SNX10: variants seen among roughly 807,000 people sequenced by gnomAD.
SNX10 encodes the protein sorting nexin-10.
A neutral mutation model predicts 28.5 loss-of-function variants in SNX10; 25 were observed. The ratio of observed to expected loss-of-function variants is 0.88; its 90% CI spans 0.64 to 1.22. SNX10 has a LOEUF of 1.22. Among genes scored for constraint, SNX10 ranks in the 50% most tolerant of loss-of-function variants. SNX10 has a pLI of 0.00. For synonymous variants in SNX10, 62 were observed against 81.4 expected (o/e 0.76, Z 1.28); for missense variants, 223 against 242.6 (o/e 0.92, Z 0.54).
chr7:26,336,503 A>G (rs1449120216), intron 1 of SNX10, among the ~76,000 whole-genome samples: 1 of 152,198 alleles, frequency 6.6e-6, no homozygotes, highest in Non-Finnish European at 1.5e-5. Context: ...CAGGAGTTCA[A>G]GACCAGCCTG....
intron 1 of SNX10, among the ~76,000 whole-genome samples, chr7:26,317,659 C>CTTTT (rs11310428): frequency 3.8e-5 from 4 of 106,218 alleles, no homozygotes; most frequent in Admixed American, 9.9e-5. Flanking sequence ...CTTCTTTGAT[C>CTTTT]TTTTTTTTTT....
Position 26,364,237 on chromosome 7 carries a change from T to C in SNX10, c.112-298T>C. Reference sequence around the variant, plus strand: ...ATATGTTAGGATTTATTTTTTATGATTTATTCTTGAAAGCAGTGCTCATAG... The same window carrying C: ...ATATGTTAGGATTTATTTTTTATGACTTATTCTTGAAAGCAGTGCTCATAG... On this transcript the variant is annotated intron_variant, in intron 3 of 6. Coordinates refer to ENST00000338523, the MANE Select transcript of SNX10 (RefSeq NM_013322.3). The surrounding 1 kb of genome is among the most constrained non-coding windows in gnomAD (Gnocchi z 4.9). 1 of 688,776 alleles carries C rather than the reference T, an allele frequency of 1.5e-6. No homozygotes were observed. The highest frequency in any genetic ancestry group is 1.8e-6 in the Non-Finnish European group (1 of 540,572). The allele number at this position is 688,776 out of a possible 1,614,324, so 42.7% of individuals were successfully genotyped here. A position where few individuals can be genotyped will look rare whatever the true frequency, so the allele number is the denominator to read the frequency against.
At chr7:26,362,022 T>A (rs1789093616) in intron 3 of SNX10, among the ~76,000 whole-genome samples, 1 of 152,242 alleles carries the variant, frequency 6.6e-6, no homozygotes, top group African/African-American at 2.4e-5. Context: ...CCATTGTAAA[T>A]AGCTAACTTG....
intron 1 of SNX10, among the ~76,000 whole-genome samples, chr7:26,314,264 A>AT (rs11352827): frequency 6.0e-5 from 9 of 149,866 alleles, no homozygotes; most frequent in Non-Finnish European, 8.9e-5. Context: ...CTACTGTTCA[A>AT]TTTTTTTTTT....
chr7:26,342,082 A>G (rs1788206803), intron 1 of SNX10, among the ~76,000 whole-genome samples: 1 of 137,632 alleles, frequency 7.3e-6, no homozygotes, highest in Non-Finnish European at 1.5e-5. Flanking sequence ...GCTGGAGTGC[A>G]GTGGCACGAT....
chr7:26,307,098 G>C (rs1056527619), intron 1 of SNX10, among the ~76,000 whole-genome samples: 1 of 152,132 alleles, frequency 6.6e-6, no homozygotes, highest in East Asian at 1.9e-4. Flanking sequence ...AAGGAAAGAG[G>C]GTTATTTCCA....
chr7:26,342,801 CT>C (rs1351423071), intron 1 of SNX10, among the ~76,000 whole-genome samples: 2 of 150,044 alleles, frequency 1.3e-5, no homozygotes, highest in Non-Finnish European at 2.9e-5. Context: ...TTCCTATTTT[CT>C]TTTTTATTTT....
At chr7:26,336,075 T>G (rs79826557) in intron 1 of SNX10, among the ~76,000 whole-genome samples, 3,535 of 152,294 alleles carry the variant, frequency 0.023, 80 homozygotes, top group East Asian at 0.098. Context: ...GTGATTTTTT[T>G]TATTTAAATA....
chr7:26,347,052 ACAT>A (rs1344151406), intron 2 of SNX10, among the ~76,000 whole-genome samples: 19 of 152,166 alleles, frequency 1.2e-4, no homozygotes, highest in African/African-American at 3.9e-4. Context: ...GGTGCAGTGC[ACAT>A]CATCACTTGG....
intron 1 of SNX10, among the ~76,000 whole-genome samples, chr7:26,331,387 A>C (rs1482648427): frequency 2.6e-5 from 4 of 152,142 alleles, no homozygotes; most frequent in Non-Finnish European, 5.9e-5. Context: ...GGAGTTCCAG[A>C]CCAGTGTGGG....
chr7:26,305,565 T>C (rs760031578), intron 1 of SNX10, among the ~76,000 whole-genome samples: 1 of 152,170 alleles, frequency 6.6e-6, no homozygotes, highest in East Asian at 1.9e-4. Context: ...AGCAAACAAC[T>C]TGGGGTCTCT....
chr7:26,369,623 G>C (rs1173926869), intron 5 of SNX10, among the ~76,000 whole-genome samples: 1 of 152,074 alleles, frequency 6.6e-6, no homozygotes, highest in Admixed American at 6.5e-5. Context: ...TAGGCCTGGG[G>C]GAGTGTTCAG....
intron 1 of SNX10, among the ~76,000 whole-genome samples, chr7:26,330,064 A>G (rs1787676340): frequency 6.6e-6 from 1 of 152,140 alleles, no homozygotes; most frequent in African/African-American, 2.4e-5. Context: ...GGTCAGAGGG[A>G]ACTTCTAGCC....
intron 5 of SNX10, among the ~76,000 whole-genome samples, chr7:26,371,106 TA>T (rs370523373): frequency 1.3e-5 from 2 of 152,280 alleles, no homozygotes; most frequent in African/African-American, 2.4e-5. Flanking sequence ...TCTGTCTTTG[TA>T]AACTTTGATC....
At chr7:26,310,251 G>C (rs1025759036) in intron 1 of SNX10, among the ~76,000 whole-genome samples, 2 of 152,290 alleles carry the variant, frequency 1.3e-5, no homozygotes, top group East Asian at 3.9e-4. Flanking sequence ...ACTTGATGGA[G>C]ATGCAGAAAT....
intron 2 of SNX10, among the ~76,000 whole-genome samples, chr7:26,347,977 T>C (rs1788455256): frequency 6.6e-6 from 1 of 152,224 alleles, no homozygotes; most frequent in Non-Finnish European, 1.5e-5. Flanking sequence ...ACAGGGTCTC[T>C]CTTTGTTGCC....
At chr7:26,341,011 G>A (rs776348796) in intron 1 of SNX10, among the ~76,000 whole-genome samples, 4 of 152,152 alleles carry the variant, frequency 2.6e-5, no homozygotes, top group Non-Finnish European at 5.9e-5. Context: ...AATGATTCTT[G>A]GAATGGGCTG....
intron 2 of SNX10, among the ~76,000 whole-genome samples, chr7:26,346,879 T>A (rs922254329): frequency 4.6e-5 from 7 of 152,238 alleles, no homozygotes; most frequent in African/African-American, 1.2e-4. Flanking sequence ...CTTGGTTTCA[T>A]ACAACACTGG....
At chr7:26,332,679 C>T (rs565077890) in intron 1 of SNX10, among the ~76,000 whole-genome samples, 6 of 152,182 alleles carry the variant, frequency 3.9e-5, no homozygotes, top group African/African-American at 9.6e-5. Context: ...GCTGTGTTTT[C>T]GTCTATGAGT....
Sources: allele counts gnomAD v4.1 joint callset (sites outside exome capture counted in the v4.1 genomes callset), GRCh38; gene constraint gnomAD v4.1.1; non-coding constraint Gnocchi (gnomAD v3.1); transcripts MANE v1.5; gene names NCBI Gene and HGNC (gene_info 2026-07-23, HGNC 2026-07-21).